PRKCA: variants seen among roughly 807,000 people sequenced by gnomAD.
The protein encoded by PRKCA is protein kinase C alpha.
In PRKCA, 27 loss-of-function variants were observed where a neutral mutation model predicts 87.0. The observed-to-expected ratio is 0.31, with a 90% CI of 0.23 to 0.43. PRKCA has a LOEUF of 0.43. PRKCA is among the 20% of genes least tolerant of loss of function. PRKCA has a pLI of 1.00. For missense variants in PRKCA, 518 were observed against 852.3 expected (o/e 0.61, Z 4.88); for synonymous variants, 329 against 311.1 (o/e 1.06, Z -0.61).
rs60247180 is a variant in PRKCA, at chr17:66,729,780, CT to C, written c.919-2887del. 6.5e-3 allele frequency among the ~76,000 whole-genome samples: 680 copies of C among 105,038 alleles called. 2 individuals are homozygous for C. Among genetic ancestry groups the C allele is most frequent in the African/African-American group, 0.019 (499 of 26,032 alleles). The allele number at this position is 105,038 out of a possible 152,430, so 68.9% of individuals were successfully genotyped here. On this transcript the variant is annotated intron_variant, in intron 8 of 16. Coordinates refer to ENST00000413366, the MANE Select transcript of PRKCA (RefSeq NM_002737.3). ...TTGATCCCTGTATGAGCGAGTTATTCTTTTTTTTTTTTTTTTTTTTTCTGAG... is the reference window on the plus strand; with the variant it reads ...TTGATCCCTGTATGAGCGAGTTATTCTTTTTTTTTTTTTTTTTTTTCTGAG...
At chr17:66,430,757 G>C (rs555479892) in intron 2 of PRKCA, among the ~76,000 whole-genome samples, 75 of 152,268 alleles carry the variant, frequency 4.9e-4, no homozygotes, top group Middle Eastern at 3.4e-3. Context: ...GGAGCAAGGT[G>C]GCCTTCAGGA....
At chr17:66,682,284 C>G (rs566770268) in intron 5 of PRKCA, among the ~76,000 whole-genome samples, 1 of 152,108 alleles carries the variant, frequency 6.6e-6, no homozygotes, top group African/African-American at 2.4e-5. Flanking sequence ...TTCTCAGTGC[C>G]GGGCTTGACA....
At chr17:66,428,265 G>A (rs1449510213) in intron 2 of PRKCA, among the ~76,000 whole-genome samples, 2 of 152,100 alleles carry the variant, frequency 1.3e-5, no homozygotes, top group African/African-American at 2.4e-5. Flanking sequence ...AGAGAAGGTC[G>A]AATCCATAGG....
Position 66,460,182 on chromosome 17 carries a change from C to T in PRKCA, c.206-36019C>T, listed in dbSNP as rs144792242. The stretch of plus-strand genomic sequence containing the variant: ...TTATTACGCAAGGTATTGAATTCCG[C>T]CTATGAAATCTATGAAGGTCATTGC... On this transcript the variant is annotated intron_variant, in intron 2 of 16. Transcript: ENST00000413366. Among the ~76,000 whole-genome samples, 705 of 152,216 alleles carry T rather than the reference C, an allele frequency of 4.6e-3. 6 individuals are homozygous for T. The highest frequency in any genetic ancestry group is 0.016 in the African/African-American group (661 of 41,528).
intron 2 of PRKCA, among the ~76,000 whole-genome samples, chr17:66,476,041 G>A (rs375417707): frequency 6.6e-5 from 10 of 152,074 alleles, no homozygotes; most frequent in Non-Finnish European, 1.5e-4. Flanking sequence ...GGGATTACAC[G>A]TGCCTGCCAC....
intron 2 of PRKCA, among the ~76,000 whole-genome samples, chr17:66,417,221 C>G (rs994241109): frequency 6.7e-6 from 1 of 150,018 alleles, no homozygotes; most frequent in African/African-American, 2.5e-5. Context: ...TTTTTTAATA[C>G]AATAAAAAGA....
chr17:66,433,141 C>T (rs1400773039), intron 2 of PRKCA, among the ~76,000 whole-genome samples: 1 of 152,068 alleles, frequency 6.6e-6, no homozygotes, highest in African/African-American at 2.4e-5. Flanking sequence ...TTTTTAAAAG[C>T]AAGAACTCTA....
At chr17:66,455,418 G>T (rs761196971) in intron 2 of PRKCA, among the ~76,000 whole-genome samples, 31 of 152,132 alleles carry the variant, frequency 2.0e-4, no homozygotes, top group Non-Finnish European at 3.5e-4. Flanking sequence ...AGAAGAAAAG[G>T]TCCCCCGAAG....
At chr17:66,395,247 T>TAGAACAGCAGAGTGGAATGG (rs1274104241) in intron 2 of PRKCA, among the ~76,000 whole-genome samples, 19 of 152,300 alleles carry the variant, frequency 1.2e-4, no homozygotes, top group Admixed American at 1.2e-3. Context: ...GATGATGGCT[T>TAGAACAGCAGAGTGGAATGG]AGAACAGCAG....
chr17:66,739,456 G>A (rs1204464297), intron 11 of PRKCA, among the ~76,000 whole-genome samples: 1 of 152,164 alleles, frequency 6.6e-6, no homozygotes, highest in East Asian at 1.9e-4. Context: ...TCTGCACCAG[G>A]CACTGGGGTT....
At chr17:66,540,444 G>A (rs1396545341) in intron 3 of PRKCA, among the ~76,000 whole-genome samples, 1 of 152,154 alleles carries the variant, frequency 6.6e-6, no homozygotes, top group African/African-American at 2.4e-5. Flanking sequence ...AGGAGAGGAT[G>A]AATAATCCAA....
intron 3 of PRKCA, among the ~76,000 whole-genome samples, chr17:66,620,244 A>G (rs115041590): frequency 0.01 from 1,578 of 152,328 alleles, 30 homozygotes; most frequent in African/African-American, 0.036. Flanking sequence ...TGAACAGCCT[A>G]TTTTAGCTGG....
chr17:66,736,402 C>T (rs755915355), intron 10 of PRKCA, among the ~76,000 whole-genome samples: 5 of 152,060 alleles, frequency 3.3e-5, no homozygotes, highest in Non-Finnish European at 7.4e-5. Flanking sequence ...CTCAGCCTCT[C>T]GAGTAGCTGG....
intron 3 of PRKCA, among the ~76,000 whole-genome samples, chr17:66,578,343 T>C (rs1235752062): frequency 6.6e-6 from 1 of 152,064 alleles, no homozygotes; most frequent in East Asian, 1.9e-4. Context: ...TTGTTTGTCC[T>C]TGGAAACCCT....
intron 3 of PRKCA, among the ~76,000 whole-genome samples, chr17:66,567,863 C>T (rs914525644): frequency 2.0e-5 from 3 of 152,224 alleles, no homozygotes; most frequent in African/African-American, 7.2e-5. Context: ...CTGATTCATG[C>T]CATGACTGTG....
intron 13 of PRKCA, among the ~76,000 whole-genome samples, chr17:66,765,350 T>C (rs1974774001): frequency 6.9e-6 from 1 of 144,726 alleles, no homozygotes; most frequent in South Asian, 2.2e-4. Context: ...GAGGCAGAGG[T>C]TGCAGTGAGC....
At chr17:66,581,105 AT>A (rs1172089534) in intron 3 of PRKCA, among the ~76,000 whole-genome samples, 5 of 152,200 alleles carry the variant, frequency 3.3e-5, no homozygotes, top group African/African-American at 1.2e-4. Context: ...TTGTTTATAA[AT>A]TGTTTTATGA....
intron 3 of PRKCA, among the ~76,000 whole-genome samples, chr17:66,519,368 G>A (rs1967079634): frequency 6.6e-6 from 1 of 152,176 alleles, no homozygotes; most frequent in Non-Finnish European, 1.5e-5. Context: ...CAAGTTTATA[G>A]CTTGTAAGAT....
At chr17:66,713,285 T>A (rs1229450422) in intron 8 of PRKCA, among the ~76,000 whole-genome samples, 2 of 152,024 alleles carry the variant, frequency 1.3e-5, no homozygotes, top group Admixed American at 1.3e-4. Flanking sequence ...GTCCTGACCT[T>A]GTGATCTGCC....
Sources: gnomAD v4.1 joint callset for allele counts (sites outside exome capture counted in the v4.1 genomes callset) on GRCh38, gnomAD v4.1.1 for gene constraint, MANE v1.5 for transcripts, NCBI Gene and HGNC (gene_info 2026-07-23, HGNC 2026-07-21) for gene names.